Variants in CELSR1 observed in about 807,000 individuals in gnomAD.
CELSR1 encodes the protein adhesion G protein-coupled receptor C1.
CELSR1 carries 110 observed loss-of-function variants against 249.1 expected under a neutral mutation model. The ratio of observed to expected loss-of-function variants is 0.44; its 90% CI spans 0.38 to 0.52. The LOEUF (loss-of-function observed/expected upper bound fraction) is 0.52. Ranked by LOEUF, CELSR1 falls within the 20% of genes least tolerant of loss-of-function variation. CELSR1 has a pLI of 0.00. For synonymous variants in CELSR1, 2,113 were observed against 1,900.0 expected, an observed-to-expected ratio of 1.11 and a Z score of -2.92; for missense variants, 4,109 against 4,296.4, an observed-to-expected ratio of 0.96 and a Z score of 1.22.
chr22:46,415,074 C>A (rs2079383943), intron 5 of CELSR1, among the ~76,000 whole-genome samples: 1 of 152,200 alleles, frequency 6.6e-6, no homozygotes, highest in East Asian at 1.9e-4. Flanking sequence ...ACAGGCACAT[C>A]CACAGACACA....
intron 30 of CELSR1, among the ~76,000 whole-genome samples, 190 bp downstream of exon 30, chr22:46,366,196 A>AGTTGCGGGT (rs2078776866): frequency 1.1e-3 from 2 of 1,746 alleles, no homozygotes; most frequent in Non-Finnish European, 2.0e-3. Context: ...GTGCAGGGGA[A>AGTTGCGGGT]GGGAAGGTGC....
intron 1 of CELSR1, among the ~76,000 whole-genome samples, chr22:46,524,476 C>A (rs964629275): frequency 1.3e-5 from 2 of 152,028 alleles, no homozygotes; most frequent in African/African-American, 4.8e-5. Flanking sequence ...GTGTGTCGGG[C>A]GGCTGGAAGG....
At chr22:46,416,787 C>T (rs2079407584) in intron 5 of CELSR1, among the ~76,000 whole-genome samples, 1 of 152,144 alleles carries the variant, frequency 6.6e-6, no homozygotes, top group African/African-American at 2.4e-5. Context: ...GCGTGCAGGC[C>T]CTCCTCCTTG....
chr22:46,460,799 T>C (rs1398531264), intron 2 of CELSR1, among the ~76,000 whole-genome samples: 1 of 152,148 alleles, frequency 6.6e-6, no homozygotes, highest in African/African-American at 2.4e-5. Context: ...CTCCTTTCCC[T>C]GCAAAGATCA....
In CELSR1 at chr22:46,410,854, G is replaced by A. The variant is rs1487968812; in HGVS notation, c.4770-293C>T. On this transcript the variant is annotated intron_variant, in intron 6 of 34. Coordinates refer to ENST00000674500, the MANE Select transcript of CELSR1 (RefSeq NM_001378328.1). The surrounding 1 kb of genome is among the most constrained non-coding windows in gnomAD (Gnocchi z 6.8). ...ACACCGAGACAGGATGTGAGCGCAG[G>A]GAGCACAGGTCAAGGCCAGCAGGGA... Among the ~76,000 whole-genome samples, 13 of 151,908 alleles carry A rather than the reference G, an allele frequency of 8.6e-5. No individual in the cohort carries two copies. The highest frequency in any genetic ancestry group is 8.5e-4 in the Admixed American group (13 of 15,250).
At position 46,473,590 on chromosome 22, in the gene CELSR1, G is replaced by A. The variant is rs973515372; in HGVS notation, c.3545-9245C>T. On this transcript the variant is annotated intron_variant, in intron 1 of 34. Coordinates refer to ENST00000674500, the MANE Select transcript of CELSR1 (RefSeq NM_001378328.1). The surrounding 1 kb of genome is among the most constrained non-coding windows in gnomAD (Gnocchi z 6.6). ...CAACGCCCCTCGAGGCCTGGTTAGG[G>A]CAGCCCATGATGCCCTCGGGGTCCA... 3.9e-5 allele frequency among the ~76,000 whole-genome samples: 6 copies of A among 152,168 alleles called. No individual in the cohort carries two copies. Among genetic ancestry groups the A allele is most frequent in the Non-Finnish European group, 7.4e-5 (5 of 68,026 alleles).
intron 2 of CELSR1, among the ~76,000 whole-genome samples, chr22:46,457,073 G>A (rs1304834051): frequency 6.6e-6 from 1 of 152,172 alleles, no homozygotes; most frequent in Non-Finnish European, 1.5e-5. Context: ...CGAAGTCCAC[G>A]TGGCGTGGAC....
Position 46,410,657 on chromosome 22 carries a change from C to A in CELSR1, c.4770-96G>T. The A allele has an allele frequency of 7.8e-7, 1 of 1,283,604 alleles. No individual in the cohort carries two copies. Among genetic ancestry groups the A allele is most frequent in the Non-Finnish European group, 1.1e-6 (1 of 915,464 alleles). The allele number at this position is 1,283,604 out of a possible 1,614,324, so 79.5% of individuals were successfully genotyped here. A position where few individuals can be genotyped will look rare whatever the true frequency, so the allele number is the denominator to read the frequency against. On this transcript the variant is annotated intron_variant, in intron 6 of 34. Coordinates refer to ENST00000674500, the MANE Select transcript of CELSR1 (RefSeq NM_001378328.1). This position sits in a 1 kb window ranked among gnomAD's most constrained non-coding sequence, Gnocchi z 6.8. ...GTTGCCTCTGTGTAGCCTCTACCAC[C>A]ATAACTACTTCAGAAACCAAGCAGA...
At chr22:46,457,962 C>G (rs907034450) in intron 2 of CELSR1, among the ~76,000 whole-genome samples, 1 of 152,238 alleles carries the variant, frequency 6.6e-6, no homozygotes, top group Non-Finnish European at 1.5e-5. Context: ...GATGGCCAGC[C>G]CTTGTCTCAT....
Position 46,364,640 on chromosome 22 carries a change from A to G in CELSR1, c.8651T>C (p.Val2884Ala), listed in dbSNP as rs1186713716. Residue 2884 changes from valine to alanine, a missense_variant, in exon 33 of 35, where the codon GTG becomes GCG. Val to Ala is a moderately conservative substitution (Grantham distance 64, BLOSUM62 0). Transcript: ENST00000674500. ...EDPSGKPRLKVETKVSVELHR... is the reference protein window; with the variant it reads ...EDPSGKPRLKAETKVSVELHR... ...CAGCTCCACGCTGACCTTGGTCTCC[A>G]CCTTCAGGCGGGGCTTGCCGCTGGG... The G allele has an allele frequency of 6.2e-7, 1 of 1,612,464 alleles. No individual in the cohort carries two copies. The highest frequency in any genetic ancestry group is 1.3e-5 in the African/African-American group (1 of 74,898).
chr22:46,363,581 CAG>C lies in CELSR1; in HGVS notation c.9036-336_9036-335del, dbSNP rs1351637031. On this transcript the variant is annotated intron_variant, in intron 34 of 34. Coordinates refer to ENST00000674500, the MANE Select transcript of CELSR1 (RefSeq NM_001378328.1). This position sits in a 1 kb window ranked among gnomAD's most constrained non-coding sequence, Gnocchi z 4.3. The stretch of plus-strand genomic sequence containing the variant: ...TGAGTTTGGAGGGAGGGAGGGGCGA[CAG>C]GGAGAGGTCTGGGGCCAGGACCCCA... 13 of 358,918 alleles carry C rather than the reference CAG, an allele frequency of 3.6e-5. No homozygotes were observed. The highest frequency in any genetic ancestry group is 5.7e-5 in the Non-Finnish European group (11 of 194,414). 22.2% of individuals were successfully genotyped at this position (358,918 alleles called of 1,614,324 possible).
rs1009155 is a variant in CELSR1, at chr22:46,535,941, G to A, written c.1230C>T (p.Ser410=). The A allele has an allele frequency of 0.92, 1,486,004 of 1,609,942 alleles. 687,850 individuals are homozygous for A. Among genetic ancestry groups the A allele is most frequent in the East Asian group, 0.97 (43,733 of 44,864 alleles). ...CCTCCCGGTCCAGCACCGCCCGTGTGCTCACCACGCCAGAGCTCTCGTTGA... is the reference window on the plus strand; with the variant it reads ...CCTCCCGGTCCAGCACCGCCCGTGTACTCACCACGCCAGAGCTCTCGTTGA... ...FQLNESSGVV[S]TRAVLDREEA... Residue 410 remains serine, a synonymous_variant, in exon 1 of 35, where the codon AGC becomes AGT. Coordinates refer to ENST00000674500, the MANE Select transcript of CELSR1 (RefSeq NM_001378328.1).
At chr22:46,502,065 G>A (rs2080471232) in intron 1 of CELSR1, among the ~76,000 whole-genome samples, 1 of 151,836 alleles carries the variant, frequency 6.6e-6, no homozygotes, top group Non-Finnish European at 1.5e-5. Flanking sequence ...AGGATTTTGA[G>A]ACCAGTCCAG....
Position 46,411,705 on chromosome 22 carries a change from C to T in CELSR1, c.4666G>A (p.Val1556Met), listed in dbSNP as rs145652929. ...PHGPSGEKMA[V>M]VTVDDCDTTM... is the part of the protein sequence containing the mutation. ...GTGTCACAATCATCCACTGTCACCA[C>T]GGCCATCTTTTCCCCGGACGGCCCA... is the stretch of plus-strand genomic sequence containing the variant. Residue 1556 changes from valine to methionine, a missense_variant, in exon 6 of 35, where the codon GTG becomes ATG. Transcript: ENST00000674500. This position sits in a 1 kb window ranked among gnomAD's most constrained non-coding sequence, Gnocchi z 4.2. The T allele has an allele frequency of 3.0e-5, 49 of 1,614,238 alleles. No homozygotes were observed. The highest frequency in any genetic ancestry group is 2.2e-4 in the East Asian group (10 of 44,882).
Position 46,537,018 on chromosome 22 carries a change from C to G in CELSR1, c.153G>C (p.Ala51=). The part of the protein sequence containing the change: ...AFALRPGCTY[A]VGAACTPRAP... The stretch of plus-strand genomic sequence containing the variant: ...CCCGGGGCGTGCAAGCGGCGCCCAC[C>G]GCGTAGGTACAGCCGGGCCGGAGGG... The change falls in exon 1 of 35, where the codon GCG becomes GCC. Residue 51 remains alanine (A), a synonymous_variant. Coordinates refer to ENST00000674500, the MANE Select transcript of CELSR1 (RefSeq NM_001378328.1). The surrounding 1 kb of genome is among the most constrained non-coding windows in gnomAD (Gnocchi z 5.8). The G allele has an allele frequency of 4.5e-6, 5 of 1,105,902 alleles. No homozygotes were observed. Among genetic ancestry groups the G allele is most frequent in the Non-Finnish European group, 5.5e-6 (5 of 908,630 alleles). The allele number at this position is 1,105,902 out of a possible 1,614,324, so 68.5% of individuals were successfully genotyped here.
In CELSR1 at chr22:46,432,873, C is replaced by G. The variant is rs73448563; in HGVS notation, c.4611+520G>C. ...CCTGTGTACCCCCCGACCCAGAGCT[C>G]TGGGTGGGACTATGACCCCAGCACA... is the stretch of plus-strand genomic sequence containing the variant. On this transcript the variant is annotated intron_variant, in intron 5 of 34. Transcript: ENST00000674500. Among the ~76,000 whole-genome samples, 112 of 152,252 alleles carry G rather than the reference C, an allele frequency of 7.4e-4. 2 individuals are homozygous for G. The highest frequency in any genetic ancestry group is 2.7e-3 in the African/African-American group (111 of 41,528).
rs899106154 is a variant in CELSR1 at position 46,436,700 on chromosome 22, G to T, written c.4407-411C>A. 2.0e-5 allele frequency among the ~76,000 whole-genome samples: 3 copies of T among 152,112 alleles called. No homozygotes were observed. Among genetic ancestry groups the T allele is most frequent in the Non-Finnish European group, 4.4e-5 (3 of 68,032 alleles). On this transcript the variant is annotated intron_variant, in intron 3 of 34. Coordinates refer to ENST00000674500, the MANE Select transcript of CELSR1 (RefSeq NM_001378328.1). The surrounding 1 kb of genome is among the most constrained non-coding windows in gnomAD (Gnocchi z 5.9). ...ACCTGGTACCTTCCCAGGCAGGGAT[G>T]ATGCTATGGAAGGACCATTCTTATG...
intron 5 of CELSR1, among the ~76,000 whole-genome samples, chr22:46,415,164 T>C (rs921158207): frequency 5.9e-5 from 9 of 152,134 alleles, no homozygotes; most frequent in African/African-American, 2.2e-4. Context: ...AAAATACTTC[T>C]TTTGAGATGG....
At chr22:46,400,398 G>A (rs2079198460) in intron 9 of CELSR1, among the ~76,000 whole-genome samples, 1 of 151,846 alleles carries the variant, frequency 6.6e-6, no homozygotes, top group African/African-American at 2.4e-5. Flanking sequence ...AGCACGTTGG[G>A]AGGCCACAGC....
Sources: gnomAD v4.1 joint callset for allele counts (sites outside exome capture counted in the v4.1 genomes callset) on GRCh38, gnomAD v4.1.1 for gene constraint, Gnocchi (gnomAD v3.1) non-coding constraint, MANE v1.5 for transcripts, NCBI Gene and HGNC (gene_info 2026-07-23, HGNC 2026-07-21) for gene names.